Variants in ROBO2 observed in about 807,000 individuals in gnomAD.
ROBO2 encodes roundabout homolog 2.
Under a neutral mutation model 160.8 loss-of-function variants are expected in ROBO2, and 53 were observed. The ratio of observed to expected loss-of-function variants is 0.33; its 90% CI spans 0.26 to 0.41. The LOEUF is 0.41. ROBO2 is among the 10% of genes least tolerant of loss of function. ROBO2 has a pLI of 1.00. For missense variants in ROBO2, 1,577 were observed against 1,722.4 expected, an observed-to-expected ratio of 0.92 and a Z score of 1.49; for synonymous variants, 664 against 611.7, an observed-to-expected ratio of 1.09 and a Z score of -1.26.
chr3:76,987,712 C>G, intron 2 of ROBO2, among the ~76,000 whole-genome samples: 1 of 152,068 alleles, frequency 6.6e-6, no homozygotes, highest in South Asian at 2.1e-4. Context: ...TTCAAAACGA[C>G]CCATCAGTTC....
At chr3:76,607,358 T>C (rs1432195516) in intron 2 of ROBO2, among the ~76,000 whole-genome samples, 1 of 152,234 alleles carries the variant, frequency 6.6e-6, no homozygotes, top group African/African-American at 2.4e-5. Flanking sequence ...AACCTCTTTA[T>C]TGATATTTAA....
intron 2 of ROBO2, among the ~76,000 whole-genome samples, chr3:76,646,211 G>T (rs563630668): frequency 6.6e-6 from 1 of 152,258 alleles, no homozygotes; most frequent in East Asian, 1.9e-4. Context: ...TGTAGTCCTG[G>T]GAAAGCCTGA....
intron 2 of ROBO2, among the ~76,000 whole-genome samples, chr3:76,840,676 A>ATATATAT (rs1559586498): frequency 7.9e-5 from 11 of 138,654 alleles, no homozygotes; most frequent in African/African-American, 3.0e-4. Context: ...TATATATATA[A>ATATATAT]GATGAAGTAA....
chr3:77,525,063 T>C (rs1013861420), intron 6 of ROBO2, among the ~76,000 whole-genome samples: 1 of 151,362 alleles, frequency 6.6e-6, no homozygotes, highest in African/African-American at 2.4e-5. Context: ...TATCTACGAC[T>C]TATTTTTTTT....
chr3:77,204,507 T>C (rs1006858837), intron 2 of ROBO2, among the ~76,000 whole-genome samples: 1 of 152,076 alleles, frequency 6.6e-6, no homozygotes, highest in East Asian at 1.9e-4. Context: ...TTAAGTGCCA[T>C]GTTTTTTTGT....
At chr3:77,163,931 T>C (rs2078716253) in intron 2 of ROBO2, among the ~76,000 whole-genome samples, 1 of 152,250 alleles carries the variant, frequency 6.6e-6, no homozygotes, top group African/African-American at 2.4e-5. Flanking sequence ...TATATTCATA[T>C]ACACATAGAG....
chr3:76,342,517 C>T (rs2074289512), intron 2 of ROBO2, among the ~76,000 whole-genome samples: 1 of 151,682 alleles, frequency 6.6e-6, no homozygotes, highest in East Asian at 1.9e-4. Flanking sequence ...TGGTAGTAAG[C>T]ATGCCTGCTC....
At chr3:77,554,372 T>C (rs919760119) in intron 8 of ROBO2, among the ~76,000 whole-genome samples, 2 of 152,000 alleles carry the variant, frequency 1.3e-5, no homozygotes, top group African/African-American at 4.8e-5. Context: ...TAACACAACA[T>C]CTGTTCAGCA....
In ROBO2 at chr3:77,563,161, C is replaced by T; in HGVS notation, c.1520-6C>T. On this transcript the variant is annotated splice_polypyrimidine_tract_variant and splice_region_variant and intron_variant, in intron 10 of 25. Transcript: ENST00000461745. ...GAATGAAGTTTTTTCTGTCTGTCCT[C>T]TATAGAGTCTGGAGCAACAATCAGT... 2 of 1,612,874 alleles carry T rather than the reference C, an allele frequency of 1.2e-6. No individual in the cohort carries two copies. Among genetic ancestry groups the T allele is most frequent in the South Asian group, 1.1e-5 (1 of 91,004 alleles).
chr3:76,661,229 TA>T (rs1384436263), intron 2 of ROBO2, among the ~76,000 whole-genome samples: 3 of 152,170 alleles, frequency 2.0e-5, no homozygotes, highest in Non-Finnish European at 4.4e-5. Flanking sequence ...TTCCTGGCTC[TA>T]TGTAGGCCAA....
At chr3:76,874,050 A>C (rs2148699103) in intron 2 of ROBO2, among the ~76,000 whole-genome samples, 1 of 152,282 alleles carries the variant, frequency 6.6e-6, no homozygotes, top group Middle Eastern at 3.4e-3. Flanking sequence ...CCAGTTCCCC[A>C]AGTTAAGAGG....
intron 2 of ROBO2, among the ~76,000 whole-genome samples, chr3:77,367,402 G>A (rs1277398514): frequency 1.3e-5 from 2 of 150,502 alleles, no homozygotes; most frequent in Non-Finnish European, 3.0e-5. Context: ...CCCAACCCCC[G>A]ACCCAGTAGT....
At chr3:76,502,111 A>T (rs947086366) in intron 2 of ROBO2, among the ~76,000 whole-genome samples, 15 of 147,454 alleles carry the variant, frequency 1.0e-4, no homozygotes, top group African/African-American at 4.1e-4. Context: ...CATGACATCA[A>T]TTATGTTTTG....
At chr3:76,850,409 T>C (rs1166958) in intron 2 of ROBO2, among the ~76,000 whole-genome samples, 40,805 of 151,932 alleles carry the variant, frequency 0.27, 5,918 homozygotes, top group East Asian at 0.45. Flanking sequence ...TTACCTCGTC[T>C]TTGGCCTCTG....
chr3:77,159,486 G>C (rs1439245426), intron 2 of ROBO2, among the ~76,000 whole-genome samples: 1 of 152,110 alleles, frequency 6.6e-6, no homozygotes, highest in Non-Finnish European at 1.5e-5. Context: ...TTCCATAGTG[G>C]ATTTCCACAA....
intron 2 of ROBO2, among the ~76,000 whole-genome samples, chr3:76,912,521 C>A (rs1330899340): frequency 6.6e-6 from 1 of 152,080 alleles, no homozygotes; most frequent in African/African-American, 2.4e-5. Context: ...AGCCTATCAA[C>A]TTTATCAGCA....
intron 2 of ROBO2, among the ~76,000 whole-genome samples, chr3:76,683,852 G>A (rs955990277): frequency 1.3e-5 from 2 of 151,962 alleles, no homozygotes; most frequent in Non-Finnish European, 2.9e-5. Context: ...TTTTATTCCC[G>A]TTTGAAATTT....
chr3:76,450,884 A>G (rs1471336770), intron 2 of ROBO2, among the ~76,000 whole-genome samples: 1 of 152,202 alleles, frequency 6.6e-6, no homozygotes, highest in Admixed American at 6.6e-5. Flanking sequence ...AAAAATTTGT[A>G]ATATACCTGT....
At chr3:76,573,423 A>G (rs2085071606) in intron 2 of ROBO2, among the ~76,000 whole-genome samples, 1 of 151,902 alleles carries the variant, frequency 6.6e-6, no homozygotes, top group Non-Finnish European at 1.5e-5. Context: ...TTGATTTACT[A>G]TTTACTATCG....
Sources: gnomAD v4.1 joint callset for allele counts (sites outside exome capture counted in the v4.1 genomes callset) on GRCh38, gnomAD v4.1.1 for gene constraint, MANE v1.5 for transcripts, NCBI Gene and HGNC (gene_info 2026-07-23, HGNC 2026-07-21) for gene names.